Variants in TMEM132C observed in about 807,000 individuals in gnomAD.
TMEM132C encodes the protein transmembrane protein 132C.
TMEM132C carries 29 observed loss-of-function variants against 61.4 expected under a neutral mutation model. The observed-to-expected ratio is 0.47, with a 90% CI of 0.35 to 0.64. The LOEUF is 0.64. TMEM132C is among the 30% of genes least tolerant of loss of function. The pLI is 0.00. For synonymous variants in TMEM132C, 656 were observed against 633.1 expected (o/e 1.04, Z -0.54); for missense variants, 1,408 against 1,476.9 (o/e 0.95, Z 0.76).
intron 4 of TMEM132C, among the ~76,000 whole-genome samples, chr12:128,638,038 A>G (rs548378936): frequency 6.6e-6 from 1 of 152,330 alleles, no homozygotes; most frequent in Non-Finnish European, 1.5e-5. Context: ...AACCTCTAGA[A>G]GCTTCCAGTT....
chr12:128,669,663 C>A (rs1954512223), intron 5 of TMEM132C, 103 bp downstream of exon 5: 2 of 1,385,696 alleles, frequency 1.4e-6, no homozygotes, highest in Non-Finnish European at 1.9e-6. Context: ...TTCAACTATA[C>A]AGAGGCTTAT....
chr12:128,605,844 A>G (rs1876404546), intron 3 of TMEM132C, among the ~76,000 whole-genome samples: 1 of 152,226 alleles, frequency 6.6e-6, no homozygotes, highest in African/African-American at 2.4e-5. Context: ...GGTCATTGTC[A>G]GGTTCCTTGA....
chr12:128,530,216 A>G (rs1285343586), intron 2 of TMEM132C, among the ~76,000 whole-genome samples: 2 of 152,210 alleles, frequency 1.3e-5, no homozygotes, highest in Non-Finnish European at 2.9e-5. Context: ...TTGCCATGCA[A>G]GATGCCGGGG....
chr12:128,498,485 G>A (rs1872047161), intron 2 of TMEM132C, among the ~76,000 whole-genome samples: 1 of 152,116 alleles, frequency 6.6e-6, no homozygotes, highest in Non-Finnish European at 1.5e-5. Context: ...AGACCATCCT[G>A]GCTAACATGG....
chr12:128,569,207 C>T (rs1001231434), intron 3 of TMEM132C, among the ~76,000 whole-genome samples: 1 of 152,092 alleles, frequency 6.6e-6, no homozygotes, highest in African/African-American at 2.4e-5. Flanking sequence ...AGTTTGGGAC[C>T]GAATTGGGAG....
chr12:128,299,333 C>A (rs889368388), intron 1 of TMEM132C, among the ~76,000 whole-genome samples: 2 of 152,166 alleles, frequency 1.3e-5, no homozygotes, highest in African/African-American at 4.8e-5. Flanking sequence ...AACACCTGAT[C>A]CCTGGGTGGT....
At chr12:128,577,307 A>G (rs997725997) in intron 3 of TMEM132C, among the ~76,000 whole-genome samples, 7 of 152,254 alleles carry the variant, frequency 4.6e-5, no homozygotes, top group Non-Finnish European at 1.0e-4. Flanking sequence ...GGTACACCAC[A>G]GGGACCTGTG....
chr12:128,329,533 G>T (rs1467500638), intron 1 of TMEM132C, among the ~76,000 whole-genome samples: 3 of 152,154 alleles, frequency 2.0e-5, no homozygotes, highest in Admixed American at 1.3e-4. Flanking sequence ...CCCAGCCCAG[G>T]ATCTACTGGG....
intron 2 of TMEM132C, among the ~76,000 whole-genome samples, chr12:128,523,131 C>T (rs1006565685): frequency 5.9e-5 from 9 of 152,142 alleles, no homozygotes; most frequent in African/African-American, 1.9e-4. Context: ...CTGCGAACAC[C>T]GTGCTAAGTG....
At chr12:128,512,368 T>C (rs940553294) in intron 2 of TMEM132C, among the ~76,000 whole-genome samples, 1 of 152,212 alleles carries the variant, frequency 6.6e-6, no homozygotes, top group East Asian at 1.9e-4. Flanking sequence ...GTAACCACTC[T>C]GTATGTCCTG....
intron 2 of TMEM132C, among the ~76,000 whole-genome samples, chr12:128,526,534 G>A (rs1214182013): frequency 2.6e-5 from 4 of 152,234 alleles, no homozygotes; most frequent in Non-Finnish European, 5.9e-5. Flanking sequence ...AGTTGGGGAT[G>A]ATGCAAACAT....
intron 2 of TMEM132C, among the ~76,000 whole-genome samples, chr12:128,523,811 G>GAAAA (rs1555229605): frequency 1.0e-5 from 1 of 100,114 alleles, no homozygotes; most frequent in African/African-American, 3.4e-5. Flanking sequence ...ACAAGCCCAG[G>GAAAA]AAAAAAAAAA....
chr12:128,311,337 G>A (rs1871957299), intron 1 of TMEM132C, among the ~76,000 whole-genome samples: 1 of 152,146 alleles, frequency 6.6e-6, no homozygotes, highest in African/African-American at 2.4e-5. Flanking sequence ...CCGTACTCCT[G>A]GTACTCACTG....
chr12:128,470,484 A>C (rs143090525), intron 2 of TMEM132C, among the ~76,000 whole-genome samples: 1 of 152,000 alleles, frequency 6.6e-6, no homozygotes, highest in Admixed American at 6.6e-5. Flanking sequence ...GTAGGAGCCA[A>C]TTTTCCAACC....
chr12:128,623,081 C>T (rs1482294747), intron 4 of TMEM132C, among the ~76,000 whole-genome samples: 4 of 152,156 alleles, frequency 2.6e-5, no homozygotes, highest in Admixed American at 2.0e-4. Context: ...ATCTCTGATG[C>T]ACATGAAGCT....
At chr12:128,470,974 A>G (rs1182689553) in intron 2 of TMEM132C, among the ~76,000 whole-genome samples, 1 of 152,118 alleles carries the variant, frequency 6.6e-6, no homozygotes, top group Non-Finnish European at 1.5e-5. Flanking sequence ...CTCTTCTTTC[A>G]TAGATCATGT....
chr12:128,286,077 C>CTCTT (rs1200043181), intron 1 of TMEM132C, among the ~76,000 whole-genome samples: 1 of 151,488 alleles, frequency 6.6e-6, no homozygotes, highest in Non-Finnish European at 1.5e-5. Flanking sequence ...CTCTCTCTCT[C>CTCTT]TCTCTCCCCA....
At chr12:128,534,574 G>A (rs79957820) in intron 2 of TMEM132C, among the ~76,000 whole-genome samples, 8,158 of 152,282 alleles carry the variant, frequency 0.054, 301 homozygotes, top group Non-Finnish European at 0.084. Context: ...GCTGAGCGGG[G>A]TTGGCCTCAC....
chr12:128,589,923 A>C (rs1875692874), intron 3 of TMEM132C, among the ~76,000 whole-genome samples: 1 of 152,166 alleles, frequency 6.6e-6, no homozygotes, highest in Admixed American at 6.5e-5. Context: ...AATCACTCTT[A>C]TTCATCATCA....
Sources: allele counts gnomAD v4.1 joint callset (sites outside exome capture counted in the v4.1 genomes callset), GRCh38; gene constraint gnomAD v4.1.1; transcripts MANE v1.5; gene names NCBI Gene and HGNC (gene_info 2026-07-23, HGNC 2026-07-21).